LRP1B: variants seen among roughly 807,000 people sequenced by gnomAD.
The protein encoded by LRP1B is LDL receptor related protein 1B, also known as low-density lipoprotein receptor-related protein 1B.
Under a neutral mutation model 556.6 loss-of-function variants are expected in LRP1B, and 217 were observed. The ratio of observed to expected loss-of-function variants is 0.39; its 90% confidence interval spans 0.35 to 0.44. LRP1B has a LOEUF of 0.44. Ranked by LOEUF, LRP1B falls within the 20% of genes least tolerant of loss-of-function variation. LRP1B has a pLI of 1.00. For missense variants in LRP1B, 5,053 were observed against 5,620.8 expected (o/e 0.90, Z 3.23); for synonymous variants, 2,047 against 1,865.8 (o/e 1.10, Z -2.50).
At chr2:141,737,595 A>G (rs948844060) in intron 2 of LRP1B, among the ~76,000 whole-genome samples, 2 of 152,168 alleles carry the variant, frequency 1.3e-5, no homozygotes, top group South Asian at 2.1e-4. Context: ...GTCAGCTCAG[A>G]TTGATCTTGT....
Position 141,355,437 on chromosome 2 carries a change from C to T in LRP1B, c.344-100796G>A, listed in dbSNP as rs944215444. ...AACATTTTCGACATGCCCCCAAAAA[C>T]CTACTATACATAACCAGTCAATCCC... is the stretch of plus-strand genomic sequence containing the variant. On this transcript the variant is annotated intron_variant, in intron 3 of 90. Transcript: ENST00000389484. Among the ~76,000 whole-genome samples the T allele has an allele frequency of 6.6e-5, 10 of 152,132 alleles. No individual in the cohort carries two copies. In the South Asian group the frequency reaches 1.9e-3, roughly 28 times the overall value.
intron 3 of LRP1B, among the ~76,000 whole-genome samples, chr2:141,412,104 T>C (rs1690874103): frequency 6.6e-6 from 1 of 152,178 alleles, no homozygotes. Flanking sequence ...CCAGGCAGTT[T>C]TGCCACAACA....
chr2:140,494,460 C>A (rs1430744289), intron 56 of LRP1B, among the ~76,000 whole-genome samples: 1 of 151,888 alleles, frequency 6.6e-6, no homozygotes, highest in Non-Finnish European at 1.5e-5. Context: ...ACAAAATTAG[C>A]CGGGTGTGGT....
chr2:141,097,884 G>A (rs75247320), intron 7 of LRP1B, among the ~76,000 whole-genome samples: 10,641 of 152,218 alleles, frequency 0.07, 407 homozygotes, highest in South Asian at 0.11. Context: ...AACAAATTAA[G>A]TGAGCCTAGA....
intron 31 of LRP1B, among the ~76,000 whole-genome samples, chr2:140,833,044 T>C (rs1473451563): frequency 6.6e-6 from 1 of 152,128 alleles, no homozygotes; most frequent in East Asian, 1.9e-4. Flanking sequence ...TGTCCCAATA[T>C]AAGTGAGGGT....
At chr2:141,484,267 A>C (rs1683032733) in intron 2 of LRP1B, among the ~76,000 whole-genome samples, 1 of 147,926 alleles carries the variant, frequency 6.8e-6, no homozygotes, top group Non-Finnish European at 1.5e-5. Context: ...AAGATCAGAT[A>C]GTTGTAGATA....
intron 3 of LRP1B, among the ~76,000 whole-genome samples, chr2:141,371,186 G>A (rs183445133): frequency 1.3e-3 from 202 of 152,134 alleles, no homozygotes; most frequent in African/African-American, 4.6e-3. Flanking sequence ...GTTCATGTTC[G>A]CCAGGCTGGT....
intron 27 of LRP1B, among the ~76,000 whole-genome samples, chr2:140,861,226 G>A (rs1185441355): frequency 6.6e-6 from 1 of 152,034 alleles, no homozygotes; most frequent in African/African-American, 2.4e-5. Flanking sequence ...AGCCAACATG[G>A]GGAAACCTCA....
intron 1 of LRP1B, among the ~76,000 whole-genome samples, chr2:141,894,459 A>G (rs1463501564): frequency 6.6e-6 from 1 of 151,770 alleles, no homozygotes; most frequent in Non-Finnish European, 1.5e-5. Flanking sequence ...TCAAATAAAT[A>G]TTGCTTTATT....
At chr2:140,453,705 T>C (rs1686972005) in intron 62 of LRP1B, among the ~76,000 whole-genome samples, 2 of 152,156 alleles carry the variant, frequency 1.3e-5, no homozygotes, top group South Asian at 2.1e-4. Flanking sequence ...ATGACTAGTG[T>C]TATATGAATT....
At chr2:140,393,558 T>C (rs1684120713) in intron 66 of LRP1B, among the ~76,000 whole-genome samples, 1 of 152,180 alleles carries the variant, frequency 6.6e-6, no homozygotes, top group Admixed American at 6.6e-5. Flanking sequence ...TTGTCCTTCT[T>C]GCTACTATTC....
intron 2 of LRP1B, among the ~76,000 whole-genome samples, chr2:141,666,689 T>C (rs1178616118): frequency 6.6e-6 from 1 of 152,232 alleles, no homozygotes; most frequent in Non-Finnish European, 1.5e-5. Context: ...GAGATGTTTT[T>C]CTGAAACCAG....
chr2:140,562,461 G>A (rs1680965252), intron 43 of LRP1B, among the ~76,000 whole-genome samples: 1 of 152,094 alleles, frequency 6.6e-6, no homozygotes, highest in East Asian at 1.9e-4. Context: ...ATTATCTAGA[G>A]ACTAGACATT....
intron 7 of LRP1B, among the ~76,000 whole-genome samples, chr2:141,162,301 C>T (rs567708297): frequency 5.9e-5 from 9 of 152,022 alleles, no homozygotes; most frequent in African/African-American, 1.4e-4. Flanking sequence ...GGAGGTGGAA[C>T]GAAAGCAAAA....
intron 2 of LRP1B, among the ~76,000 whole-genome samples, chr2:141,644,729 TCACACA>T (rs3039268): frequency 1.8e-4 from 26 of 141,606 alleles, no homozygotes; most frequent in Middle Eastern, 3.6e-3. Flanking sequence ...CAGTCATTGA[TCACACA>T]CACACACACA....
intron 41 of LRP1B, among the ~76,000 whole-genome samples, chr2:140,689,667 C>G (rs140429734): frequency 6.6e-6 from 1 of 152,200 alleles, no homozygotes; most frequent in East Asian, 1.9e-4. Flanking sequence ...CAAGTCCACC[C>G]AGCATCTCTA....
At chr2:141,750,577 A>G (rs1186023468) in intron 2 of LRP1B, among the ~76,000 whole-genome samples, 1 of 152,172 alleles carries the variant, frequency 6.6e-6, no homozygotes, top group Non-Finnish European at 1.5e-5. Context: ...AAAAGAAAAA[A>G]CAAAAAGAAA....
At chr2:141,792,530 A>T (rs1455360099) in intron 2 of LRP1B, among the ~76,000 whole-genome samples, 1 of 152,026 alleles carries the variant, frequency 6.6e-6, no homozygotes, top group Non-Finnish European at 1.5e-5. Flanking sequence ...GTATAGTTTG[A>T]CTGCAGACAT....
intron 1 of LRP1B, among the ~76,000 whole-genome samples, chr2:142,058,680 CCTT>C (rs1704776959): frequency 6.6e-6 from 1 of 152,068 alleles, no homozygotes; most frequent in Non-Finnish European, 1.5e-5. Context: ...GCACTTTACT[CCTT>C]CTATTTCTCT....
Sources: gnomAD v4.1 joint callset for allele counts (sites outside exome capture counted in the v4.1 genomes callset) on GRCh38, gnomAD v4.1.1 for gene constraint, MANE v1.5 for transcripts, NCBI Gene and HGNC (gene_info 2026-07-23, HGNC 2026-07-21) for gene names.